Variants in USH1G observed in about 807,000 individuals in gnomAD.
USH1G encodes the protein USH1 protein network component sans, also known as pre-mRNA splicing regulator USH1G.
Under a neutral mutation model 31.9 loss-of-function variants are expected in USH1G, and 27 were observed. That is an observed-to-expected ratio of 0.85 (90% confidence interval 0.62 to 1.17). The LOEUF (loss-of-function observed/expected upper bound fraction) is 1.17, where lower values mean the gene tolerates loss of function less well. USH1G is among the 50% of genes most tolerant of loss of function. The pLI is 0.00. For synonymous variants in USH1G, 266 were observed against 283.2 expected (o/e 0.94, Z 0.61); for missense variants, 674 against 638.9 (o/e 1.05, Z -0.59).
Position 74,920,101 on chromosome 17 carries a change from C to T in USH1G, c.735G>A (p.Ser245=), listed in dbSNP as rs1430030332. ...TCACGTCGCTGCCCAGCTGCAGGCCCGAGAGCGAGCGGGCGCTCTTGCGCC... is the reference window on the plus strand; with the variant it reads ...TCACGTCGCTGCCCAGCTGCAGGCCTGAGAGCGAGCGGGCGCTCTTGCGCC... ...EDGRKSARSL[S]GLQLGSDVMF... The change falls in exon 2 of 3, where the codon TCG becomes TCA. Residue 245 remains serine (S), a synonymous_variant. Transcript: ENST00000614341. The surrounding 1 kb of genome is among the most constrained non-coding windows in gnomAD (Gnocchi z 5.2). 1.7e-5 allele frequency: 27 copies of T among 1,603,516 alleles called. No homozygotes were observed. The highest frequency in any genetic ancestry group is 2.2e-5 in the East Asian group (1 of 44,880).
Position 74,921,542 on chromosome 17 carries a change from C to T in USH1G, c.165-871G>A, listed in dbSNP as rs2038943508. ...GCACCCCTGCCCTGCACTAATGAGG[C>T]CACAAGGCCAACCCCCAGGGCTGGG... On this transcript the variant is annotated intron_variant, in intron 1 of 2. Transcript: ENST00000614341. This position sits in a 1 kb window ranked among gnomAD's most constrained non-coding sequence, Gnocchi z 4.6. 6.6e-6 allele frequency among the ~76,000 whole-genome samples: 1 copy of T among 152,152 alleles called. No homozygotes were observed. The highest frequency in any genetic ancestry group is 1.5e-5 in the Non-Finnish European group (1 of 67,986).
rs1306710776 is a variant in USH1G at position 74,920,474 on chromosome 17, G to A, written c.362C>T (p.Ala121Val). 1 of 1,613,652 alleles carries A rather than the reference G, an allele frequency of 6.2e-7. No individual in the cohort carries two copies. The highest frequency in any genetic ancestry group is 1.3e-5 in the African/African-American group (1 of 74,936). The change falls in exon 2 of 3, where the codon GCG (alanine) becomes GTG (valine). Residue 121 changes from alanine to valine, a missense_variant. Coordinates refer to ENST00000614341, the MANE Select transcript of USH1G (RefSeq NM_173477.5). This position sits in a 1 kb window ranked among gnomAD's most constrained non-coding sequence, Gnocchi z 5.2. ...GGGGTTGAGGCTGCTCTGCTTGGCC[G>A]CGATGGAGTCCAGGTAGCGCACGCA... ...MECVRYLDSIAAKQSSLNPKL... is the reference protein window; with the variant it reads ...MECVRYLDSIVAKQSSLNPKL...
Position 74,919,246 on chromosome 17 carries a change from G to A in USH1G, c.1382+208C>T, listed in dbSNP as rs2038899698. Among the ~76,000 whole-genome samples the A allele has an allele frequency of 6.6e-6, 1 of 152,160 alleles. No homozygotes were observed. ...GGTGCACTTTCACTGTGATAAGAAT[G>A]CCTCGGGTCATCATTAAATTGGCCA... On this transcript the variant is annotated intron_variant, in intron 2 of 2. Transcript: ENST00000614341. This position sits in a 1 kb window ranked among gnomAD's most constrained non-coding sequence, Gnocchi z 4.5.
Position 74,920,412 on chromosome 17 carries a change from C to G in USH1G, c.424G>C (p.Glu142Gln), listed in dbSNP as rs111033466. Residue 142 changes from glutamate (E) to glutamine (Q), a missense_variant, in exon 2 of 3, where the codon GAG becomes CAG. Transcript: ENST00000614341. The surrounding 1 kb of genome is among the most constrained non-coding windows in gnomAD (Gnocchi z 5.2). ...CACTCGCGGATGCGCCGCTCCGCCT[C>G]GCGGAAGGCCTTGTCCTTCAGCTTA... is the stretch of plus-strand genomic sequence containing the variant. ...VGKLKDKAFR[E>Q]AERRIRECAK... 28 of 1,613,352 alleles carry G rather than the reference C, an allele frequency of 1.7e-5. No individual in the cohort carries two copies. The highest frequency in any genetic ancestry group is 1.6e-4 in the Middle Eastern group (1 of 6,084).
Position 74,920,721 on chromosome 17 carries a change from T to G in USH1G, c.165-50A>C. 1 of 1,588,788 alleles carries G rather than the reference T, an allele frequency of 6.3e-7. No homozygotes were observed. The highest frequency in any genetic ancestry group is 8.6e-7 in the Non-Finnish European group (1 of 1,165,498). On this transcript the variant is annotated intron_variant, in intron 1 of 2. Coordinates refer to ENST00000614341, the MANE Select transcript of USH1G (RefSeq NM_173477.5). The surrounding 1 kb of genome is among the most constrained non-coding windows in gnomAD (Gnocchi z 5.2). ...ACGAGTGACGAGTCCTGGCTGGGGA[T>G]GGAGGTGGAGGGAGTGGAGGGGGGA...
rs151242039 is a variant in USH1G at position 74,919,824 on chromosome 17, C to T, written c.1012G>A (p.Gly338Arg). The change falls in exon 2 of 3, where the codon GGG becomes AGG. Residue 338 changes from glycine to arginine, a missense_variant. Coordinates refer to ENST00000614341, the MANE Select transcript of USH1G (RefSeq NM_173477.5). This position sits in a 1 kb window ranked among gnomAD's most constrained non-coding sequence, Gnocchi z 4.5. ...AGCCGACCCCGCGGCGCTCCCACCCCATCCAGACCCCCATCCTCGCGGCCC... is the reference window on the plus strand; with the variant it reads ...AGCCGACCCCGCGGCGCTCCCACCCTATCCAGACCCCCATCCTCGCGGCCC... The part of the protein sequence containing the change: ...GLGREDGGLD[G>R]VGAPRGRLQS... The T allele has an allele frequency of 3.9e-4, 622 of 1,613,010 alleles. 2 individuals are homozygous for T. Among genetic ancestry groups the T allele is most frequent in the Admixed American group, 2.2e-3 (131 of 60,022 alleles).
chr17:74,919,643 G>A lies in USH1G; in HGVS notation c.1193C>T (p.Ser398Phe). ...ETSPLETFLA[S>F]LHMEDFAALL... ...GGCGGCAAAGTCCTCCATGTGCAGA[G>A]AGGCCAGGAAGGTCTCCAGCGGGCT... The change falls in exon 2 of 3, where the codon TCT becomes TTT. Residue 398 changes from serine (S) to phenylalanine (F), a missense_variant. Transcript: ENST00000614341. The surrounding 1 kb of genome is among the most constrained non-coding windows in gnomAD (Gnocchi z 4.5). The A allele has an allele frequency of 1.2e-6, 2 of 1,612,830 alleles. No homozygotes were observed. The highest frequency in any genetic ancestry group is 1.7e-6 in the Non-Finnish European group (2 of 1,180,024).
At position 74,917,896 on chromosome 17, in the gene USH1G, G is replaced by A; in HGVS notation, c.*177C>T. ...CGGAACATTCTCTTGCCCCTCTGGT[G>A]CCTCCAGGCCACACCCTCAGCTTCA... On this transcript the variant is annotated 3_prime_UTR_variant, in exon 3 of 3. Transcript: ENST00000614341. 1.3e-6 allele frequency: 1 copy of A among 775,674 alleles called. No homozygotes were observed. The highest frequency in any genetic ancestry group is 2.7e-5 in the East Asian group (1 of 37,122). The allele number at this position is 775,674 out of a possible 1,614,324, so 48.0% of individuals were successfully genotyped here.
rs2038939479 is a variant in USH1G at position 74,921,261 on chromosome 17, C to T, written c.165-590G>A. Among the ~76,000 whole-genome samples, 1 of 151,738 alleles carries T rather than the reference C, an allele frequency of 6.6e-6. No homozygotes were observed. The highest frequency in any genetic ancestry group is 2.1e-4 in the South Asian group (1 of 4,814). ...CCGAGTGTGAGAGGAGGTGTCGGGCCTTGGCCTGGGCGGGGAGGGGAGTGT... is the reference window on the plus strand; with the variant it reads ...CCGAGTGTGAGAGGAGGTGTCGGGCTTTGGCCTGGGCGGGGAGGGGAGTGT... On this transcript the variant is annotated intron_variant, in intron 1 of 2. Transcript: ENST00000614341. This position sits in a 1 kb window ranked among gnomAD's most constrained non-coding sequence, Gnocchi z 4.6.
chr17:74,923,046 G>T lies in USH1G; in HGVS notation c.28C>A (p.Arg10=). MNDQYHRAA[R]DGYLELLKEA... ...TTGAGGAGCTCCAGGTAGCCATCCC[G>T]GGCTGCCCGGTGGTACTGGTCGTTC... The change falls in exon 1 of 3, where the codon CGG becomes AGG. Residue 10 remains arginine (R), a synonymous_variant. Coordinates refer to ENST00000614341, the MANE Select transcript of USH1G (RefSeq NM_173477.5). The surrounding 1 kb of genome is among the most constrained non-coding windows in gnomAD (Gnocchi z 5.3). 6.3e-7 allele frequency: 1 copy of T among 1,585,838 alleles called. No individual in the cohort carries two copies. Among genetic ancestry groups the T allele is most frequent in the East Asian group, 2.3e-5 (1 of 43,712 alleles).
Position 74,918,177 on chromosome 17 carries a change from T to C in USH1G, c.1383-101A>G. The stretch of plus-strand genomic sequence containing the variant: ...ATCTGGACAACTTAGCCTCCCCATC[T>C]CTCGGCAGGCCAATTGTCAGGGATG... On this transcript the variant is annotated intron_variant, in intron 2 of 2. Transcript: ENST00000614341. The surrounding 1 kb of genome is among the most constrained non-coding windows in gnomAD (Gnocchi z 4.1). 1 of 1,520,420 alleles carries C rather than the reference T, an allele frequency of 6.6e-7. No individual in the cohort carries two copies. Among genetic ancestry groups the C allele is most frequent in the Non-Finnish European group, 9.0e-7 (1 of 1,110,716 alleles). 94.2% of individuals were successfully genotyped at this position (1,520,420 alleles called of 1,614,324 possible). A position where few individuals can be genotyped will look rare whatever the true frequency, so the allele number is the denominator to read the frequency against.
intron 1 of USH1G, among the ~76,000 whole-genome samples, 157 bp downstream of exon 1, chr17:74,922,753 C>T (rs2038959972): frequency 6.6e-6 from 1 of 152,148 alleles, no homozygotes; most frequent in South Asian, 2.1e-4. Context: ...TGTCAGATGC[C>T]TCCGCTTGGG....
rs149194826 is a variant in USH1G, at chr17:74,918,871, C to T, written c.1382+583G>A. Among the ~76,000 whole-genome samples the T allele has an allele frequency of 3.3e-5, 5 of 152,056 alleles. No individual in the cohort carries two copies. The highest frequency in any genetic ancestry group is 3.9e-4 in the East Asian group (2 of 5,176). ...CAATTGAGAGGCCCTGCTGACTGCACGCCCTGCATCCCATGGCAGCCACCT... is the reference window on the plus strand; with the variant it reads ...CAATTGAGAGGCCCTGCTGACTGCATGCCCTGCATCCCATGGCAGCCACCT... On this transcript the variant is annotated intron_variant, in intron 2 of 2. Coordinates refer to ENST00000614341, the MANE Select transcript of USH1G (RefSeq NM_173477.5). The surrounding 1 kb of genome is among the most constrained non-coding windows in gnomAD (Gnocchi z 4.1).
In USH1G at chr17:74,920,373, G is replaced by A. The variant is rs759149374; in HGVS notation, c.463C>T (p.Arg155Trp). The A allele has an allele frequency of 1.2e-5, 19 of 1,612,568 alleles. No homozygotes were observed. Among genetic ancestry groups the A allele is most frequent in the East Asian group, 2.2e-5 (1 of 44,878 alleles). ...RRIRECAKLQ[R>W]RHHERMERRY... ...CGCTCCATGCGTTCGTGGTGCCTCC[G>A]CTGCAGCTTGGCGCACTCGCGGATG... Residue 155 changes from arginine (R) to tryptophan (W), a missense_variant, in exon 2 of 3, where the codon CGG becomes TGG. Arg to Trp is a moderately radical substitution (Grantham distance 101). Coordinates refer to ENST00000614341, the MANE Select transcript of USH1G (RefSeq NM_173477.5). The surrounding 1 kb of genome is among the most constrained non-coding windows in gnomAD (Gnocchi z 5.2).
At position 74,920,042 on chromosome 17, in the gene USH1G, T is replaced by G; in HGVS notation, c.794A>C (p.Lys265Thr). ...CCGGAGCGGGGCTCGGCCCCACTCCTTGGGATTGGCGTAGGTGCCCTGGCG... is the reference window on the plus strand; with the variant it reads ...CCGGAGCGGGGCTCGGCCCCACTCCGTGGGATTGGCGTAGGTGCCCTGGCG... ...FVRQGTYANP[K>T]EWGRAPLRDM... Residue 265 changes from lysine (K) to threonine (T), a missense_variant, in exon 2 of 3, where the codon AAG becomes ACG. Transcript: ENST00000614341. This position sits in a 1 kb window ranked among gnomAD's most constrained non-coding sequence, Gnocchi z 5.2. 1 of 1,610,420 alleles carries G rather than the reference T, an allele frequency of 6.2e-7. No individual in the cohort carries two copies. Among genetic ancestry groups the G allele is most frequent in the Non-Finnish European group, 8.5e-7 (1 of 1,179,708 alleles).
chr17:74,922,666 A>AC (rs1055754883), intron 1 of USH1G, among the ~76,000 whole-genome samples: 4 of 150,900 alleles, frequency 2.7e-5, no homozygotes, highest in African/African-American at 9.8e-5. Context: ...CTCTGCAGCA[A>AC]CCCCCCATAA....
Position 74,918,654 on chromosome 17 carries a change from T to C in USH1G, c.1383-578A>G, listed in dbSNP as rs2038893933. Reference sequence around the variant, plus strand: ...CAACATGGCAAAACCCCATCTCTACTAAAAATACAGAAATTAGCTGGGCAT... The same window carrying C: ...CAACATGGCAAAACCCCATCTCTACCAAAAATACAGAAATTAGCTGGGCAT... On this transcript the variant is annotated intron_variant, in intron 2 of 2. Coordinates refer to ENST00000614341, the MANE Select transcript of USH1G (RefSeq NM_173477.5). The surrounding 1 kb of genome is among the most constrained non-coding windows in gnomAD (Gnocchi z 4.1). Among the ~76,000 whole-genome samples, 1 of 152,050 alleles carries C rather than the reference T, an allele frequency of 6.6e-6. No individual in the cohort carries two copies. The highest frequency in any genetic ancestry group is 1.9e-4 in the East Asian group (1 of 5,170).
Position 74,921,068 on chromosome 17 carries a change from C to A in USH1G, c.165-397G>T, listed in dbSNP as rs2038936934. Among the ~76,000 whole-genome samples the A allele has an allele frequency of 2.6e-5, 4 of 152,190 alleles. No individual in the cohort carries two copies. In the South Asian group the frequency reaches 8.3e-4, roughly 32 times the overall value. Reference sequence around the variant, plus strand: ...CCAGGGCCGCGTCTGGGTCTCTAGGCAGGCGTGGTGGTGAGTGTGGCTGCG... The same window carrying A: ...CCAGGGCCGCGTCTGGGTCTCTAGGAAGGCGTGGTGGTGAGTGTGGCTGCG... On this transcript the variant is annotated intron_variant, in intron 1 of 2. Coordinates refer to ENST00000614341, the MANE Select transcript of USH1G (RefSeq NM_173477.5). The surrounding 1 kb of genome is among the most constrained non-coding windows in gnomAD (Gnocchi z 4.6).
chr17:74,920,790 G>A lies in USH1G; in HGVS notation c.165-119C>T. 1 of 1,435,416 alleles carries A rather than the reference G, an allele frequency of 7.0e-7. No individual in the cohort carries two copies. Among genetic ancestry groups the A allele is most frequent in the Non-Finnish European group, 9.4e-7 (1 of 1,061,642 alleles). The allele number at this position is 1,435,416 out of a possible 1,614,324, so 88.9% of individuals were successfully genotyped here. ...CACAGCAACCCCCAAAGGGACCGTGGGCCTGAGATCTCTCCCACTCCAGGA... is the reference window on the plus strand; with the variant it reads ...CACAGCAACCCCCAAAGGGACCGTGAGCCTGAGATCTCTCCCACTCCAGGA... On this transcript the variant is annotated intron_variant, in intron 1 of 2. Coordinates refer to ENST00000614341, the MANE Select transcript of USH1G (RefSeq NM_173477.5). The surrounding 1 kb of genome is among the most constrained non-coding windows in gnomAD (Gnocchi z 5.2).
Sources: allele counts gnomAD v4.1 joint callset (sites outside exome capture counted in the v4.1 genomes callset), GRCh38; gene constraint gnomAD v4.1.1; non-coding constraint Gnocchi (gnomAD v3.1); transcripts MANE v1.5; gene names NCBI Gene and HGNC (gene_info 2026-07-23, HGNC 2026-07-21).